CNDP2: variants seen among roughly 807,000 people sequenced by gnomAD.
CNDP2 encodes the protein carnosine dipeptidase 2, also known as cytosolic non-specific dipeptidase.
A neutral mutation model predicts 55.0 loss-of-function variants in CNDP2; 38 were observed. That is an observed-to-expected ratio of 0.69 (90% CI 0.53 to 0.90). The LOEUF is 0.90. Among genes scored for constraint, CNDP2 ranks in the 40% least tolerant of loss-of-function variants. The pLI, the probability that CNDP2 is intolerant of heterozygous loss-of-function variation, is 0.00. For synonymous variants in CNDP2, 241 were observed against 260.2 expected, an observed-to-expected ratio of 0.93 and a Z score of 0.71; for missense variants, 607 against 621.7, an observed-to-expected ratio of 0.98 and a Z score of 0.25.
intron 3 of CNDP2, among the ~76,000 whole-genome samples, chr18:74,501,987 G>A (rs972362533): frequency 6.6e-6 from 1 of 152,010 alleles, no homozygotes; most frequent in African/African-American, 2.4e-5. Flanking sequence ...TCCGCCTCCC[G>A]GGTTCAAGCG....
chr18:74,518,878 A>G (rs1979880402), intron 10 of CNDP2, 71 bp from the exon 11 acceptor site: 1 of 1,593,674 alleles, frequency 6.3e-7, no homozygotes, highest in African/African-American at 1.3e-5. Flanking sequence ...GCTACTGAGT[A>G]GTGGTCTGAG....
intron 9 of CNDP2, 106 bp downstream of exon 9, chr18:74,516,498 C>T (rs1979677389): frequency 8.6e-7 from 1 of 1,157,968 alleles, no homozygotes. Flanking sequence ...CATGCATGCC[C>T]CCGCTTCCTG....
chr18:74,501,131 C>G (rs575744495), intron 2 of CNDP2, 198 bp from the exon 3 acceptor site: 8,789 of 943,246 alleles, frequency 9.3e-3, no homozygotes, highest in Non-Finnish European at 0.011. Context: ...ATGAGAGGGT[C>G]TCTCTCTTCC....
intron 9 of CNDP2, 175 bp downstream of exon 9, chr18:74,516,567 C>T (rs954442787): frequency 2.9e-5 from 20 of 682,198 alleles, no homozygotes; most frequent in African/African-American, 9.1e-5. Flanking sequence ...AAAGATAATG[C>T]ATCACATGTA....
In CNDP2 at chr18:74,513,811, G is replaced by A. The variant is rs562695243; in HGVS notation, c.903+92G>A. Reference sequence around the variant, plus strand: ...CTGTCACCTTCCCTGGGTCCAGGGGGTCTCTGAGGGAAGAGCTGGAATGTC... The same window carrying A: ...CTGTCACCTTCCCTGGGTCCAGGGGATCTCTGAGGGAAGAGCTGGAATGTC... On this transcript the variant is annotated intron_variant, in intron 8 of 11. Transcript: ENST00000324262. 202 of 1,315,112 alleles carry A rather than the reference G, an allele frequency of 1.5e-4. 1 individual carries two copies. In the African/African-American group the frequency reaches 2.7e-3, roughly 18 times the overall value. The allele number at this position is 1,315,112 out of a possible 1,614,324, so 81.5% of individuals were successfully genotyped here. A position where few individuals can be genotyped will look rare whatever the true frequency, so the allele number is the denominator to read the frequency against.
chr18:74,514,755 A>G (rs1399847948), intron 8 of CNDP2, among the ~76,000 whole-genome samples: 1 of 152,204 alleles, frequency 6.6e-6, no homozygotes, highest in African/African-American at 2.4e-5. Context: ...TAAGTTCTGC[A>G]GGCTGTAGGG....
chr18:74,499,836 G>A, intron 1 of CNDP2, 46 bp from the exon 2 acceptor site: 1 of 652,238 alleles, frequency 1.5e-6, no homozygotes, highest in Non-Finnish European at 2.6e-6. Context: ...CTGGCTGGGA[G>A]GGTGGGGCAA....
intron 10 of CNDP2, 114 bp downstream of exon 10, chr18:74,518,754 G>A: frequency 6.7e-7 from 1 of 1,484,778 alleles, no homozygotes. Context: ...TATCGTGGGG[G>A]CGTGTAGTTA....
intron 3 of CNDP2, among the ~76,000 whole-genome samples, chr18:74,502,473 G>A (rs12968731): frequency 6.9e-6 from 1 of 144,346 alleles, no homozygotes; most frequent in Non-Finnish European, 1.5e-5. Flanking sequence ...TGTCTTTTTG[G>A]TTTTTTTTTT....
intron 1 of CNDP2, among the ~76,000 whole-genome samples, chr18:74,496,903 A>T (rs962304768): frequency 6.6e-6 from 1 of 151,898 alleles, no homozygotes; most frequent in Non-Finnish European, 1.5e-5. Flanking sequence ...GTGTGGCGGG[A>T]CAGAAGCCTC....
intron 3 of CNDP2, among the ~76,000 whole-genome samples, chr18:74,502,865 A>G (rs929487024): frequency 1.3e-5 from 2 of 152,174 alleles, no homozygotes; most frequent in African/African-American, 4.8e-5. Context: ...GGGAGCCCAC[A>G]GGAGGCTCAT....
At chr18:74,500,057 A>G in intron 2 of CNDP2, 24 bp downstream of exon 2, 1 of 1,599,322 alleles carries the variant, frequency 6.3e-7, no homozygotes, top group East Asian at 2.2e-5. Context: ...CATTTTAGGA[A>G]ACAGTAAAAT....
At chr18:74,508,604 A>G (rs1387642640) in intron 4 of CNDP2, 3 of 479,352 alleles carry the variant, frequency 6.3e-6, no homozygotes, top group African/African-American at 1.9e-5. Context: ...CACCGTGACC[A>G]CGGTGGGAGA....
At chr18:74,519,913 T>C in intron 11 of CNDP2, 86 bp from the exon 12 acceptor site, 1 of 1,200,944 alleles carries the variant, frequency 8.3e-7, no homozygotes, top group Non-Finnish European at 1.2e-6. Context: ...GAAGGCAGAG[T>C]GTGTCTGGGC....
intron 2 of CNDP2, 77 bp from the exon 3 acceptor site, chr18:74,501,252 G>T (rs1302781351): frequency 6.5e-7 from 1 of 1,538,234 alleles, no homozygotes; most frequent in South Asian, 1.3e-5. Context: ...AGCCTGGAAT[G>T]TGGCAACGTT....
At chr18:74,514,498 C>G (rs12966551) in intron 8 of CNDP2, among the ~76,000 whole-genome samples, 193 of 69,838 alleles carry the variant, frequency 2.8e-3, no homozygotes, top group Non-Finnish European at 3.2e-3. Context: ...AGTTCTGCAG[C>G]CTGTGGGCTT....
chr18:74,522,475 C>G lies in CNDP2; in HGVS notation c.*2407C>G, dbSNP rs1047029003. The G allele has an allele frequency of 6.6e-6, 1 of 152,300 alleles. No homozygotes were observed. The highest frequency in any genetic ancestry group is 2.4e-5 in the African/African-American group (1 of 41,468). 9.4% of individuals were successfully genotyped at this position (152,300 alleles called of 1,614,324 possible). On this transcript the variant is annotated 3_prime_UTR_variant, in exon 12 of 12. Coordinates refer to ENST00000324262, the MANE Select transcript of CNDP2 (RefSeq NM_018235.3). ...TATGCTTTGAATGTTTGGCTCCTCC[C>G]AAACTCGTGTTGAAACTTAATAGCC...
chr18:74,505,260 C>T (rs900001143), intron 3 of CNDP2: 9 of 152,102 alleles, frequency 5.9e-5, no homozygotes, highest in South Asian at 2.1e-4. Context: ...ACTCAGCCTG[C>T]GTGTTTTGTT....
Position 74,520,270 on chromosome 18 carries a change from A to G in CNDP2, c.*202A>G, listed in dbSNP as rs763159698. The G allele has an allele frequency of 2.0e-5, 11 of 560,404 alleles. No individual in the cohort carries two copies. Among genetic ancestry groups the G allele is most frequent in the African/African-American group, 3.8e-5 (2 of 52,716 alleles). The allele number at this position is 560,404 out of a possible 1,614,324, so 34.7% of individuals were successfully genotyped here. Reference sequence around the variant, plus strand: ...GGGCTTATGAGTGACCTGGAGTGACAGCTGAGTCACCCTGGGTAAGTTCTC... The same window carrying G: ...GGGCTTATGAGTGACCTGGAGTGACGGCTGAGTCACCCTGGGTAAGTTCTC... On this transcript the variant is annotated 3_prime_UTR_variant, in exon 12 of 12. Transcript: ENST00000324262.
Sources: gnomAD v4.1 joint callset for allele counts (sites outside exome capture counted in the v4.1 genomes callset) on GRCh38, gnomAD v4.1.1 for gene constraint, MANE v1.5 for transcripts, NCBI Gene and HGNC (gene_info 2026-07-23, HGNC 2026-07-21) for gene names.